Variants in LPIN1 observed in about 807,000 individuals in gnomAD.
LPIN1 encodes the protein phosphatidate phosphatase LPIN1.
Under a neutral mutation model 107.5 loss-of-function variants are expected in LPIN1, and 71 were observed. The ratio of observed to expected loss-of-function variants is 0.66; its 90% CI spans 0.55 to 0.80. The LOEUF is 0.80. LPIN1 is among the 30% of genes least tolerant of loss of function. LPIN1 has a pLI of 0.00. For synonymous variants in LPIN1, 445 were observed against 452.6 expected (o/e 0.98, Z 0.21); for missense variants, 1,043 against 1,160.6 (o/e 0.90, Z 1.47).
intron 1 of LPIN1, among the ~76,000 whole-genome samples, chr2:11,733,550 G>A (rs555800956): frequency 1.2e-3 from 180 of 150,402 alleles, no homozygotes; most frequent in Middle Eastern, 3.4e-3. Flanking sequence ...GGAGTGCAGT[G>A]GCGTGATCTC....
At chr2:11,758,585 C>T (rs1669033949) in intron 1 of LPIN1, among the ~76,000 whole-genome samples, 1 of 152,134 alleles carries the variant, frequency 6.6e-6, no homozygotes, top group Non-Finnish European at 1.5e-5. Flanking sequence ...CAGGTGGAGC[C>T]CATGACCCTG....
chr2:11,809,352 G>C (rs144333415), intron 17 of LPIN1, among the ~76,000 whole-genome samples: 1 of 152,140 alleles, frequency 6.6e-6, no homozygotes, highest in Admixed American at 6.5e-5. Context: ...GCTCCGCTGG[G>C]GTCTAGGTAT....
chr2:11,737,994 C>T (rs1311845342), intron 1 of LPIN1, among the ~76,000 whole-genome samples: 3 of 152,156 alleles, frequency 2.0e-5, no homozygotes, highest in Non-Finnish European at 4.4e-5. Context: ...CCCAAATGCC[C>T]ATCAATGATG....
chr2:11,680,076 A>G (rs1033992334), intron 1 of LPIN1, among the ~76,000 whole-genome samples: 2 of 152,180 alleles, frequency 1.3e-5, no homozygotes, highest in African/African-American at 4.8e-5. Context: ...ACTGGGACCT[A>G]GATCAGGCAG....
intron 14 of LPIN1, among the ~76,000 whole-genome samples, chr2:11,799,961 C>T (rs796268614): frequency 3.6e-4 from 55 of 152,326 alleles, no homozygotes; most frequent in African/African-American, 1.2e-3. Flanking sequence ...GTTCCATCCA[C>T]GTGTAGCTTA....
At chr2:11,717,555 G>A (rs920118472) in intron 2 of LPIN1, among the ~76,000 whole-genome samples, 2 of 146,294 alleles carry the variant, frequency 1.4e-5, no homozygotes, top group Middle Eastern at 3.5e-3. Flanking sequence ...GGAAATCATC[G>A]CATTCTTTAT....
At chr2:11,714,494 C>T (rs1303264964) in intron 2 of LPIN1, among the ~76,000 whole-genome samples, 3 of 152,228 alleles carry the variant, frequency 2.0e-5, no homozygotes, top group Non-Finnish European at 2.9e-5. Flanking sequence ...TACACCCTCC[C>T]TCGCCCCACT....
At chr2:11,759,584 C>T (rs1451876051) in intron 1 of LPIN1, among the ~76,000 whole-genome samples, 1 of 152,240 alleles carries the variant, frequency 6.6e-6, no homozygotes, top group African/African-American at 2.4e-5. Context: ...CTACTTCTTT[C>T]TACACAGACA....
In LPIN1 at chr2:11,807,928, T is replaced by C. The variant is rs191292658; in HGVS notation, c.2249+2772T>C. On this transcript the variant is annotated intron_variant, in intron 17 of 20. Coordinates refer to ENST00000674199, the MANE Select transcript of LPIN1 (RefSeq NM_001349206.2). The stretch of plus-strand genomic sequence containing the variant: ...GTCCCAGTCTTCTGCCAAGCCCTTA[T>C]TTTCAGCTGCTGTTTCTCAGCCCTT... 1.3e-4 allele frequency among the ~76,000 whole-genome samples: 20 copies of C among 152,294 alleles called. No individual in the cohort carries two copies. In the East Asian group the frequency reaches 2.5e-3, roughly 19 times the overall value.
chr2:11,822,559 G>C (rs566948151), intron 20 of LPIN1, among the ~76,000 whole-genome samples: 4 of 152,202 alleles, frequency 2.6e-5, no homozygotes, highest in Admixed American at 2.6e-4. Flanking sequence ...AAGAGAGCTC[G>C]TGCAGGGAAA....
At chr2:11,693,727 A>G (rs1662384701) in intron 1 of LPIN1, among the ~76,000 whole-genome samples, 1 of 125,556 alleles carries the variant, frequency 8.0e-6, no homozygotes. Flanking sequence ...CTAATGTCTG[A>G]CTCCCACATT....
rs568666296 is a variant in LPIN1 at position 11,793,214 on chromosome 2, T to G, written c.1806+1208T>G. On this transcript the variant is annotated intron_variant, in intron 13 of 20. Coordinates refer to ENST00000674199, the MANE Select transcript of LPIN1 (RefSeq NM_001349206.2). ...CACCACTGTCCATCTGTGGGTGAGA[T>G]TCATGCTTTTAGCCTCACTCCCACA... is the stretch of plus-strand genomic sequence containing the variant. 2.0e-5 allele frequency among the ~76,000 whole-genome samples: 3 copies of G among 152,290 alleles called. No individual in the cohort carries two copies. The East Asian group carries it at 5.8e-4, about 29-fold the overall frequency.
rs560051339 is a variant in LPIN1 at position 11,819,100 on chromosome 2, G to A, written c.2403-384G>A. ...TATATATATTTTAGAATTTTTGCAC[G>A]TATATTCACAAATGAGATTGGTCCA... is the stretch of plus-strand genomic sequence containing the variant. On this transcript the variant is annotated intron_variant, in intron 18 of 20. Coordinates refer to ENST00000674199, the MANE Select transcript of LPIN1 (RefSeq NM_001349206.2). 1.3e-4 allele frequency: 28 copies of A among 220,032 alleles called. No individual in the cohort carries two copies. In the South Asian group the frequency reaches 1.8e-3, roughly 14 times the overall value. 13.6% of individuals were successfully genotyped at this position (220,032 alleles called of 1,614,324 possible). A position where few individuals can be genotyped will look rare whatever the true frequency, so the allele number is the denominator to read the frequency against.
chr2:11,818,326 GT>G (rs1157976647), intron 18 of LPIN1: 8 of 152,142 alleles, frequency 5.3e-5, no homozygotes, highest in Non-Finnish European at 8.8e-5. Flanking sequence ...TTCTTCATTT[GT>G]TTAGGTCTTT....
chr2:11,762,658 A>G (rs1406076978), intron 1 of LPIN1, among the ~76,000 whole-genome samples: 1 of 152,244 alleles, frequency 6.6e-6, no homozygotes, highest in Non-Finnish European at 1.5e-5. Context: ...AAATATCATA[A>G]CAAAAGACAT....
At chr2:11,679,637 C>T (rs1322427153) in intron 1 of LPIN1, among the ~76,000 whole-genome samples, 1 of 152,232 alleles carries the variant, frequency 6.6e-6, no homozygotes, top group East Asian at 1.9e-4. Flanking sequence ...CGCTTGTTGA[C>T]AGATGGACGG....
At position 11,771,395 on chromosome 2, in the gene LPIN1, C is replaced by T; in HGVS notation, c.312C>T (p.Ala104=). ...AGGAAGTTATCCCTATGCACCTGGC[C>T]ACCTCCCCCATCCTGTCAGAAGGAG... is the stretch of plus-strand genomic sequence containing the variant. ...NDQEVIPMHL[A]TSPILSEGAS... The change falls in exon 4 of 21, where the codon GCC becomes GCT. Residue 104 remains alanine (A), a synonymous_variant. Transcript: ENST00000674199. This position sits in a 1 kb window ranked among gnomAD's most constrained non-coding sequence, Gnocchi z 4.8. The T allele has an allele frequency of 5.0e-6, 8 of 1,614,162 alleles. No homozygotes were observed. Among genetic ancestry groups the T allele is most frequent in the Non-Finnish European group, 5.9e-6 (7 of 1,180,024 alleles).
chr2:11,712,297 C>G (rs1317453413), intron 1 of LPIN1, among the ~76,000 whole-genome samples: 1 of 152,192 alleles, frequency 6.6e-6, no homozygotes, highest in Non-Finnish European at 1.5e-5. Flanking sequence ...CCCAGAGTTC[C>G]CACTCACCCT....
rs181640354 is a variant in LPIN1 at position 11,805,989 on chromosome 2, C to T, written c.2249+833C>T. On this transcript the variant is annotated intron_variant, in intron 17 of 20. Transcript: ENST00000674199. ...CTTTTGTGGCCTAGAGTCTCCCATG[C>T]GAGTGAAATCTCCCCCTCCACAGCA... Among the ~76,000 whole-genome samples the T allele has an allele frequency of 2.4e-4, 36 of 152,262 alleles. No individual in the cohort carries two copies. In the East Asian group the frequency reaches 4.3e-3, roughly 18 times the overall value.
Sources: allele counts gnomAD v4.1 joint callset (sites outside exome capture counted in the v4.1 genomes callset), GRCh38; gene constraint gnomAD v4.1.1; non-coding constraint Gnocchi (gnomAD v3.1); transcripts MANE v1.5; gene names NCBI Gene and HGNC (gene_info 2026-07-23, HGNC 2026-07-21).